The following SETD1A variants were observed in gnomAD, a reference collection of about 807,000 sequenced individuals.
SETD1A encodes histone-lysine N-methyltransferase SETD1A.
SETD1A carries 29 observed loss-of-function variants against 149.9 expected under a neutral mutation model. That is an observed-to-expected ratio of 0.19 (90% CI 0.14 to 0.26). SETD1A has a LOEUF of 0.26. Among genes scored for constraint, SETD1A ranks in the 10% least tolerant of loss-of-function variants. SETD1A has a pLI of 1.00. For missense variants in SETD1A, 2,109 were observed against 2,353.1 expected (o/e 0.90, Z 2.15); for synonymous variants, 1,141 against 968.5 (o/e 1.18, Z -3.31).
chr16:30,960,730 C>CTTTTTTTTTTTTTTTT (rs71374043), intron 3 of SETD1A, among the ~76,000 whole-genome samples: 7 of 80,542 alleles, frequency 8.7e-5, no homozygotes, highest in African/African-American at 1.3e-4. Flanking sequence ...TTCTTTCTTT[C>CTTTTTTTTTTTTTTTT]TTTTTTTTTT....
Position 30,979,467 on chromosome 16 carries a change from A to G in SETD1A, c.3681A>G (p.Arg1227=). ...LVKSWPEEVS[R]GGRSRAGGRG... is the part of the protein sequence containing the mutation. ...AGAGTTGGCCCGAGGAGGTGTCCCG[A>G]GGAGGCCGGAGCCGGGCTGGAGGCC... The change falls in exon 14 of 19, where the codon CGA becomes CGG. Residue 1227 remains arginine, a synonymous_variant. Coordinates refer to ENST00000262519, the MANE Select transcript of SETD1A (RefSeq NM_014712.3). 6.3e-7 allele frequency: 1 copy of G among 1,599,850 alleles called. No homozygotes were observed. The highest frequency in any genetic ancestry group is 1.1e-5 in the South Asian group (1 of 89,736).
At chr16:30,974,132 A>G (rs2056256865) in intron 13 of SETD1A, among the ~76,000 whole-genome samples, 1 of 151,974 alleles carries the variant, frequency 6.6e-6, no homozygotes, top group Non-Finnish European at 1.5e-5. Context: ...GGGGGTGAGG[A>G]TTGGAGGGAA....
intron 10 of SETD1A, among the ~76,000 whole-genome samples, chr16:30,968,833 G>A (rs1349705868): frequency 1.3e-5 from 2 of 151,514 alleles, no homozygotes; most frequent in Admixed American, 6.6e-5. Flanking sequence ...TGCCAGGCAC[G>A]ATGGCTCACG....
chr16:30,963,156 G>T (rs1469994786), intron 4 of SETD1A, among the ~76,000 whole-genome samples: 1 of 151,610 alleles, frequency 6.6e-6, no homozygotes, highest in African/African-American at 2.4e-5. Context: ...TAGAACAGAG[G>T]TACTGATGCT....
chr16:30,970,278 T>C (rs1404666487), intron 12 of SETD1A, among the ~76,000 whole-genome samples: 1 of 149,656 alleles, frequency 6.7e-6, no homozygotes, highest in Admixed American at 6.7e-5. Context: ...TTTTTTTTTT[T>C]TTTTTTTGAG....
At chr16:30,966,654 G>C (rs2056151627) in intron 8 of SETD1A, among the ~76,000 whole-genome samples, 1 of 152,188 alleles carries the variant, frequency 6.6e-6, no homozygotes, top group African/African-American at 2.4e-5. Context: ...TTCAAGCTTT[G>C]GTCTTCCATT....
chr16:30,959,142 A>G lies in SETD1A; in HGVS notation c.202A>G (p.Arg68Gly). 1.2e-6 allele frequency: 2 copies of G among 1,613,924 alleles called. No individual in the cohort carries two copies. The highest frequency in any genetic ancestry group is 1.7e-6 in the Non-Finnish European group (2 of 1,179,796). ...EDLQDPRCHV[R>G]SKNRDFSLPV... The stretch of plus-strand genomic sequence containing the variant: ...CCTCCAAGACCCCCGTTGCCATGTC[A>G]GGTCCAAAAACAGAGACTTTTCCCT... Residue 68 changes from arginine to glycine, a missense_variant, in exon 3 of 19, where the codon AGG becomes GGG. Physicochemically the swap from Arg to Gly is moderately radical, Grantham distance 125. Coordinates refer to ENST00000262519, the MANE Select transcript of SETD1A (RefSeq NM_014712.3).
chr16:30,973,515 TGTG>T (rs1272694283), intron 13 of SETD1A, among the ~76,000 whole-genome samples: 3 of 151,968 alleles, frequency 2.0e-5, no homozygotes, highest in Non-Finnish European at 4.4e-5. Context: ...ATTAGCCAGA[TGTG>T]GTGTTGTGTA....
intron 13 of SETD1A, 49 bp downstream of exon 13, chr16:30,971,768 G>A (rs948317070): frequency 1.2e-5 from 18 of 1,507,664 alleles, no homozygotes; most frequent in Non-Finnish European, 1.5e-5. Context: ...GTGAGAGAGA[G>A]AGAGAAAACA....
intron 5 of SETD1A, 67 bp downstream of exon 5, chr16:30,963,621 A>C: frequency 6.6e-7 from 1 of 1,524,404 alleles, no homozygotes; most frequent in Non-Finnish European, 8.8e-7. Flanking sequence ...CCGGAGCAGG[A>C]GCAGTCTTCG....
chr16:30,971,792 T>A, intron 13 of SETD1A, 73 bp downstream of exon 13: 1 of 1,486,264 alleles, frequency 6.7e-7, no homozygotes, highest in Admixed American at 2.4e-5. Flanking sequence ...GTGCTTGCAT[T>A]TATTGTGTAC....
At chr16:30,970,904 A>C (rs4889603) in intron 12 of SETD1A, among the ~76,000 whole-genome samples, 1 of 152,228 alleles carries the variant, frequency 6.6e-6, no homozygotes, top group Middle Eastern at 3.4e-3. Flanking sequence ...CTTCCCGTAC[A>C]TGAGCAGTCT....
At position 30,980,043 on chromosome 16, in the gene SETD1A, T is replaced by C. The variant is rs748101216; in HGVS notation, c.4257T>C (p.Ser1419=). ...CGCCCCGCGCCTACGAGCCACGCAG[T>C]GAGTTTGAACAGATGACCATCCTGT... ...PPPPRAYEPR[S]EFEQMTILYD... Residue 1419 remains serine, a synonymous_variant, in exon 14 of 19, where the codon AGT becomes AGC. Transcript: ENST00000262519. The surrounding 1 kb of genome is among the most constrained non-coding windows in gnomAD (Gnocchi z 7.7). 4.5e-6 allele frequency: 7 copies of C among 1,556,976 alleles called. No homozygotes were observed. In the South Asian group the frequency reaches 7.9e-5, roughly 18 times the overall value.
Position 30,961,570 on chromosome 16 carries a change from G to C in SETD1A, c.517+33G>C. 1.2e-6 allele frequency: 2 copies of C among 1,606,064 alleles called. No homozygotes were observed. Among genetic ancestry groups the C allele is most frequent in the African/African-American group, 1.3e-5 (1 of 74,482 alleles). On this transcript the variant is annotated intron_variant, in intron 4 of 18. Transcript: ENST00000262519. This position sits in a 1 kb window ranked among gnomAD's most constrained non-coding sequence, Gnocchi z 4.0. ...CTCCTCTGCCTGCCACTCAGGCTTG[G>C]CCTCCAGCGGAGGTTGTACATGCAA... is the stretch of plus-strand genomic sequence containing the variant.
At position 30,964,114 on chromosome 16, in the gene SETD1A, T is replaced by C. The variant is rs2056095998; in HGVS notation, c.660T>C (p.Ser220=). The change falls in exon 6 of 19, where the codon TCT becomes TCC. Residue 220 remains serine (S), a synonymous_variant. Coordinates refer to ENST00000262519, the MANE Select transcript of SETD1A (RefSeq NM_014712.3). Reference sequence around the variant, plus strand: ...TCTAGGCCGAATCCCGCCGCCGCTCTTCCTCTGACACAGCTGCCTACCCAG... The same window carrying C: ...TCTAGGCCGAATCCCGCCGCCGCTCCTCCTCTGACACAGCTGCCTACCCAG... ...ATETAESRRR[S]SSDTAAYPAG... The C allele has an allele frequency of 1.2e-6, 2 of 1,613,700 alleles. No individual in the cohort carries two copies. Among genetic ancestry groups the C allele is most frequent in the East Asian group, 4.5e-5 (2 of 44,870 alleles).
In SETD1A at chr16:30,979,869, C is replaced by T. The variant is rs1244040956; in HGVS notation, c.4083C>T (p.Gly1361=). ...PQQLQQQREE[G]EEEGEEEGEE... Reference sequence around the variant, plus strand: ...AACTGCAGCAGCAGCGGGAGGAGGGCGAAGAGGAGGGGGAGGAAGAGGGGG... The same window carrying T: ...AACTGCAGCAGCAGCGGGAGGAGGGTGAAGAGGAGGGGGAGGAAGAGGGGG... Residue 1361 remains glycine (G), a synonymous_variant, in exon 14 of 19, where the codon GGC becomes GGT. Transcript: ENST00000262519. The T allele has an allele frequency of 2.6e-6, 4 of 1,536,892 alleles. No homozygotes were observed. The highest frequency in any genetic ancestry group is 2.4e-5 in the South Asian group (2 of 84,364).
At chr16:30,963,353 G>A in intron 4 of SETD1A, 80 bp from the exon 5 acceptor site, 2 of 1,345,126 alleles carry the variant, frequency 1.5e-6, no homozygotes, top group Non-Finnish European at 2.0e-6. Context: ...GAAACTTGAG[G>A]CCTGAGAAAG....
rs1265794697 is a variant in SETD1A, at chr16:30,984,465, G to A, written c.*442G>A. The A allele has an allele frequency of 5.9e-6, 1 of 169,858 alleles. No individual in the cohort carries two copies. Among genetic ancestry groups the A allele is most frequent in the African/African-American group, 2.4e-5 (1 of 41,722 alleles). 10.5% of individuals were successfully genotyped at this position (169,858 alleles called of 1,614,324 possible). On this transcript the variant is annotated 3_prime_UTR_variant, in exon 19 of 19. Coordinates refer to ENST00000262519, the MANE Select transcript of SETD1A (RefSeq NM_014712.3). ...GGGGGGCTCTGCACCCCCAGTCCTG[G>A]GGACTCCGTGCCTGGAACCCTGCCT...
Position 30,980,526 on chromosome 16 carries a change from G to C in SETD1A, c.4450G>C (p.Asp1484His). ...CCCAAAACGCAAGCGGCGGCCCCAG[G>C]ATGGGCCCCGGGAGCACCAGACAGG... Reference protein sequence around the residue: ...TTPKRKRRPQDGPREHQTGSA... With the variant: ...TTPKRKRRPQHGPREHQTGSA... Residue 1484 changes from aspartate to histidine, a missense_variant, in exon 15 of 19, where the codon GAT becomes CAT. By Grantham distance (81) the Asp-to-His change is moderately conservative. This residue lies in a region of SETD1A where 254 missense variants were observed against 409.3 expected (regional missense o/e 0.62). Coordinates refer to ENST00000262519, the MANE Select transcript of SETD1A (RefSeq NM_014712.3). This position sits in a 1 kb window ranked among gnomAD's most constrained non-coding sequence, Gnocchi z 7.7. 6.2e-7 allele frequency: 1 copy of C among 1,614,150 alleles called. No individual in the cohort carries two copies. The highest frequency in any genetic ancestry group is 8.5e-7 in the Non-Finnish European group (1 of 1,180,026).
Sources: allele counts gnomAD v4.1 joint callset (sites outside exome capture counted in the v4.1 genomes callset), GRCh38; gene constraint gnomAD v4.1.1; regional missense constraint gnomAD v4.1.1; non-coding constraint Gnocchi (gnomAD v3.1); transcripts MANE v1.5; gene names NCBI Gene and HGNC (gene_info 2026-07-23, HGNC 2026-07-21).